GPC3: variants seen among roughly 807,000 people sequenced by gnomAD.
GPC3 encodes glypican 3.
Under a neutral mutation model 34.4 loss-of-function variants are expected in GPC3, and 3 were observed. The ratio of observed to expected loss-of-function variants is 0.09; its 90% CI spans 0.04 to 0.23. GPC3 has a LOEUF of 0.23. GPC3 is among the 10% of genes least tolerant of loss of function. GPC3 has a pLI of 1.00. For synonymous variants in GPC3, 177 were observed against 174.0 expected, an observed-to-expected ratio of 1.02 and a Z score of -0.13; for missense variants, 351 against 445.6, an observed-to-expected ratio of 0.79 and a Z score of 1.91.
chrX:133,739,333 A>G (rs1241864253), intron 3 of GPC3, among the ~76,000 whole-genome samples: 1 of 112,095 alleles, frequency 8.9e-6, no homozygotes, highest in Non-Finnish European at 1.9e-5. Flanking sequence ...ATGTGAGAGA[A>G]GGCCTAGGAA....
intron 1 of GPC3, among the ~76,000 whole-genome samples, chrX:133,973,286 C>T (rs1051425697): frequency 3.4e-4 from 38 of 112,683 alleles, no homozygotes; most frequent in African/African-American, 1.0e-3. Context: ...ATTCCGGCTC[C>T]GCCACTTACA....
intron 3 of GPC3, among the ~76,000 whole-genome samples, chrX:133,731,453 T>C (rs1379790074): frequency 1.8e-5 from 2 of 112,430 alleles, no homozygotes; most frequent in East Asian, 5.5e-4. Flanking sequence ...TCATAGAACT[T>C]GTAGATGCTA....
chrX:133,706,368 A>G (rs2071217394), intron 3 of GPC3, among the ~76,000 whole-genome samples: 1 of 112,246 alleles, frequency 8.9e-6, no homozygotes, highest in African/African-American at 3.2e-5. Flanking sequence ...TAATTAAACT[A>G]AAGAGCTTCT....
intron 6 of GPC3, among the ~76,000 whole-genome samples, chrX:133,631,980 G>A: frequency 1.8e-5 from 2 of 111,060 alleles, no homozygotes; most frequent in Middle Eastern, 9.3e-3. Flanking sequence ...CATACTGCCA[G>A]AATGAATGAA....
chrX:133,783,342 G>A (rs2072068955), intron 2 of GPC3, among the ~76,000 whole-genome samples: 1 of 112,012 alleles, frequency 8.9e-6, no homozygotes, highest in Non-Finnish European at 1.9e-5. Flanking sequence ...GTGTTTTACA[G>A]GGCCTAGAAA....
intron 1 of GPC3, among the ~76,000 whole-genome samples, chrX:133,973,566 G>C (rs2076502593): frequency 8.9e-6 from 1 of 112,230 alleles, no homozygotes; most frequent in African/African-American, 3.2e-5. Flanking sequence ...ACTGATGAAG[G>C]CAATCTCTTA....
intron 2 of GPC3, among the ~76,000 whole-genome samples, chrX:133,828,497 G>C (rs192822720): frequency 9.0e-6 from 1 of 111,659 alleles, no homozygotes; most frequent in Non-Finnish European, 1.9e-5. Flanking sequence ...AGGAATAGTG[G>C]AACAAGAAAA....
intron 1 of GPC3, among the ~76,000 whole-genome samples, chrX:133,969,633 A>T (rs1344563004): frequency 9.0e-6 from 1 of 110,590 alleles, no homozygotes; most frequent in African/African-American, 3.3e-5. Flanking sequence ...TTTCTCCTTT[A>T]AAAAAAAACA....
intron 2 of GPC3, among the ~76,000 whole-genome samples, chrX:133,939,122 C>G (rs1207152139): frequency 8.9e-6 from 1 of 111,754 alleles, no homozygotes; most frequent in African/African-American, 3.2e-5. Context: ...GATTGCCTCT[C>G]TCATGTACAT....
At chrX:133,680,302 A>T (rs776925054) in intron 5 of GPC3, among the ~76,000 whole-genome samples, 19 of 111,924 alleles carry the variant, frequency 1.7e-4, no homozygotes, top group African/African-American at 4.5e-4. Flanking sequence ...CCAGGTGGGA[A>T]CACCTTACTC....
At chrX:133,825,354 A>G (rs1401423246) in intron 2 of GPC3, among the ~76,000 whole-genome samples, 1 of 112,062 alleles carries the variant, frequency 8.9e-6, no homozygotes, top group Non-Finnish European at 1.9e-5. Context: ...GCAGCCTGAC[A>G]GCCACCTTAA....
At chrX:133,789,584 G>A (rs1026085198) in intron 2 of GPC3, among the ~76,000 whole-genome samples, 1 of 111,742 alleles carries the variant, frequency 8.9e-6, no homozygotes, top group African/African-American at 3.3e-5. Context: ...CACCTCTATG[G>A]ACGACTAAAA....
intron 5 of GPC3, among the ~76,000 whole-genome samples, chrX:133,675,738 T>C (rs1023674183): frequency 8.9e-6 from 1 of 112,271 alleles, no homozygotes; most frequent in Non-Finnish European, 1.9e-5. Context: ...CCTGTCAATG[T>C]GTCCCACCTG....
Position 133,857,241 on chromosome X carries a change from C to T in GPC3, c.337+95809G>A, listed in dbSNP as rs780935588. On this transcript the variant is annotated intron_variant, in intron 2 of 7. Transcript: ENST00000370818. ...CTTTTTCCTCCATCTTTTGCTCATA[C>T]CACAAATATTTTCATATCAACTTAA... 6.3e-5 allele frequency among the ~76,000 whole-genome samples: 7 copies of T among 111,724 alleles called. No individual in the cohort carries two copies. The South Asian group carries it at 2.6e-3, about 42-fold the overall frequency.
intron 4 of GPC3, among the ~76,000 whole-genome samples, chrX:133,693,162 T>C (rs2071081476): frequency 1.6e-5 from 1 of 64,408 alleles, no homozygotes; most frequent in Non-Finnish European, 2.5e-5. Flanking sequence ...GACAAGTGTG[T>C]GTGTGTGTGT....
chrX:133,640,531 AGCCTCT>A (rs1191492222), intron 6 of GPC3, among the ~76,000 whole-genome samples: 1 of 112,643 alleles, frequency 8.9e-6, no homozygotes, highest in African/African-American at 3.2e-5. Context: ...CCGCTCTGGC[AGCCTCT>A]GCCGAAGGCC....
At chrX:133,653,972 C>T (rs766182447) in intron 6 of GPC3, among the ~76,000 whole-genome samples, 1 of 111,595 alleles carries the variant, frequency 9.0e-6, no homozygotes, top group East Asian at 2.8e-4. Context: ...AAGTCATTTC[C>T]CTCTCCTGGC....
intron 2 of GPC3, among the ~76,000 whole-genome samples, chrX:133,812,247 T>C (rs899020910): frequency 3.6e-5 from 4 of 112,214 alleles, no homozygotes; most frequent in African/African-American, 1.3e-4. Flanking sequence ...GGTGAAGAGG[T>C]GCCTGACAGA....
At chrX:133,694,778 A>G (rs2071098510) in intron 4 of GPC3, among the ~76,000 whole-genome samples, 1 of 109,557 alleles carries the variant, frequency 9.1e-6, no homozygotes, top group African/African-American at 3.3e-5. Context: ...CAAACAAAAA[A>G]AAAACCACCC....
Sources: allele counts gnomAD v4.1 joint callset (sites outside exome capture counted in the v4.1 genomes callset), GRCh38; gene constraint gnomAD v4.1.1; transcripts MANE v1.5; gene names NCBI Gene and HGNC (gene_info 2026-07-23, HGNC 2026-07-21).